The following PROM2 variants were observed in gnomAD, a reference collection of about 807,000 sequenced individuals.
PROM2 encodes prominin 2, also known as prominin-2.
PROM2 carries 90 observed loss-of-function variants against 110.2 expected under a neutral mutation model. The observed-to-expected ratio is 0.82, with a 90% confidence interval of 0.69 to 0.97. The LOEUF (loss-of-function observed/expected upper bound fraction) is 0.97. PROM2 is among the 50% of genes least tolerant of loss of function. PROM2 has a pLI of 0.00. For missense variants in PROM2, 1,009 were observed against 1,074.8 expected (o/e 0.94, Z 0.86); for synonymous variants, 470 against 467.8 (o/e 1.00, Z -0.06).
rs201517106 is a variant in PROM2 at position 95,288,973 on chromosome 2, C to G, written c.2482C>G (p.Arg828Gly). 2 of 1,609,058 alleles carry G rather than the reference C, an allele frequency of 1.2e-6. No homozygotes were observed. Among genetic ancestry groups the G allele is most frequent in the Middle Eastern group, 1.7e-4 (1 of 6,044 alleles). Residue 828 changes from arginine to glycine, a missense_variant, in exon 23 of 24, where the codon CGG becomes GGG. By Grantham distance (125) the Arg-to-Gly change is moderately radical. Coordinates refer to ENST00000317620, the MANE Select transcript of PROM2 (RefSeq NM_001165978.3). The part of the protein sequence containing the change: ...SEETQLFHIP[R>G]VTSLKL ...GGAGACTCAGCTCTTCCACATCCCC[C>G]GGGTTACCTCCCTGAAGCTGTAGGG...
Position 95,274,793 on chromosome 2 carries a change from T to A in PROM2, c.208T>A (p.Phe70Ile), listed in dbSNP as rs763937191. 1.9e-6 allele frequency: 3 copies of A among 1,602,918 alleles called. No homozygotes were observed. The highest frequency in any genetic ancestry group is 2.6e-6 in the Non-Finnish European group (3 of 1,175,594). The change falls in exon 1 of 24, where the codon TTC becomes ATC. Residue 70 changes from phenylalanine (F) to isoleucine (I), a missense_variant. Physicochemically the swap from Phe to Ile is conservative, Grantham distance 21. Coordinates refer to ENST00000317620, the MANE Select transcript of PROM2 (RefSeq NM_001165978.3). The part of the protein sequence containing the change: ...LDSLYGTVRR[F>I]LSVVQLNPFP... ...CTCCCTCTATGGCACCGTGCGCCGC[T>A]TCCTCTCGGTGGTGCAGCTCAATCC...
chr2:95,284,526 G>T (rs2104129831), intron 14 of PROM2, among the ~76,000 whole-genome samples: 1 of 152,224 alleles, frequency 6.6e-6, no homozygotes, highest in Admixed American at 6.5e-5. Context: ...AATACCTGAG[G>T]CTGCATAATT....
intron 7 of PROM2, 90 bp downstream of exon 7, chr2:95,277,656 C>A: frequency 7.8e-7 from 1 of 1,290,194 alleles, no homozygotes; most frequent in Non-Finnish European, 1.0e-6. Flanking sequence ...TCCCCTTGCC[C>A]CAATGTTCCT....
intron 8 of PROM2, 106 bp downstream of exon 8, chr2:95,278,110 AC>A: frequency 1.1e-6 from 1 of 900,972 alleles, no homozygotes; most frequent in Non-Finnish European, 1.8e-6. Context: ...TTGGGGTCCC[AC>A]CCACCACACA....
chr2:95,274,616 C>T lies in PROM2; in HGVS notation c.31C>T (p.Leu11=). 6.2e-7 allele frequency: 1 copy of T among 1,601,040 alleles called. No homozygotes were observed. Among genetic ancestry groups the T allele is most frequent in the Non-Finnish European group, 8.5e-7 (1 of 1,171,582 alleles). Residue 11 remains leucine, a synonymous_variant, in exon 1 of 24, where the codon CTG becomes TTG. Coordinates refer to ENST00000317620, the MANE Select transcript of PROM2 (RefSeq NM_001165978.3). MKHTLALLAP[L]LGLGLGLALS... is the part of the protein sequence containing the mutation. Reference sequence around the variant, plus strand: ...GCACACACTGGCTCTGCTGGCTCCCCTGCTGGGCCTGGGCCTGGGGCTGGC... The same window carrying T: ...GCACACACTGGCTCTGCTGGCTCCCTTGCTGGGCCTGGGCCTGGGGCTGGC...
At chr2:95,281,415 G>A (rs1221592767) in intron 12 of PROM2, 50 bp downstream of exon 12, 13 of 1,570,544 alleles carry the variant, frequency 8.3e-6, no homozygotes, top group Admixed American at 1.7e-5. Context: ...GGTGGGGGGC[G>A]GTATCAGCAG....
rs762532433 is a variant in PROM2 at position 95,276,154 on chromosome 2, G to A, written c.497+22G>A. The A allele has an allele frequency of 1.2e-5, 19 of 1,611,926 alleles. No homozygotes were observed. The highest frequency in any genetic ancestry group is 2.7e-5 in the African/African-American group (2 of 74,902). On this transcript the variant is annotated intron_variant, in intron 3 of 23. Coordinates refer to ENST00000317620, the MANE Select transcript of PROM2 (RefSeq NM_001165978.3). This position sits in a 1 kb window ranked among gnomAD's most constrained non-coding sequence, Gnocchi z 4.6. Reference sequence around the variant, plus strand: ...TGCTGTAAGGCGCTGCCCAGGGCCCGGGTAGGGCGGGCTGTGGCCCCCAGG... The same window carrying A: ...TGCTGTAAGGCGCTGCCCAGGGCCCAGGTAGGGCGGGCTGTGGCCCCCAGG...
At chr2:95,280,076 G>A (rs1252740994) in intron 11 of PROM2, 79 bp downstream of exon 11, 53 of 1,305,406 alleles carry the variant, frequency 4.1e-5, no homozygotes, top group Middle Eastern at 2.7e-4. Context: ...CATAGCTCCC[G>A]GTGTGGCTGC....
rs759713162 is a variant in PROM2 at position 95,287,219 on chromosome 2, T to G, written c.2175+6T>G. ...CAGCCAGGATCCTGAGGAATGTGAG[T>G]GGTGGGTGGGACAGGGAAGGGGCTT... On this transcript the variant is annotated splice_donor_region_variant and intron_variant, in intron 19 of 23. Coordinates refer to ENST00000317620, the MANE Select transcript of PROM2 (RefSeq NM_001165978.3). 2 of 1,611,628 alleles carry G rather than the reference T, an allele frequency of 1.2e-6. No homozygotes were observed. Among genetic ancestry groups the G allele is most frequent in the Non-Finnish European group, 1.7e-6 (2 of 1,179,012 alleles).
At position 95,288,298 on chromosome 2, in the gene PROM2, T is replaced by G; in HGVS notation, c.2332T>G (p.Trp778Gly). 6.2e-7 allele frequency: 1 copy of G among 1,614,072 alleles called. No homozygotes were observed. The highest frequency in any genetic ancestry group is 8.5e-7 in the Non-Finnish European group (1 of 1,179,996). ...VILCDMMADP[W>G]NAFWFCLAWC... Reference sequence around the variant, plus strand: ...CCTGTGTGACATGATGGCTGACCCCTGGGTGAGTGCCCCAGCTCATCGGGG... The same window carrying G: ...CCTGTGTGACATGATGGCTGACCCCGGGGTGAGTGCCCCAGCTCATCGGGG... The change falls in exon 21 of 24, where the codon TGG becomes GGG. Residue 778 changes from tryptophan to glycine, a missense_variant and splice_region_variant. Trp to Gly is a radical substitution (Grantham distance 184). Coordinates refer to ENST00000317620, the MANE Select transcript of PROM2 (RefSeq NM_001165978.3).
chr2:95,283,463 C>G (rs1432442864), intron 14 of PROM2, among the ~76,000 whole-genome samples: 1 of 152,248 alleles, frequency 6.6e-6, no homozygotes, highest in Admixed American at 6.5e-5. Context: ...CTTTCCAGAG[C>G]ACGGGGAGGG....
chr2:95,287,247 AC>A (rs1677417517), intron 19 of PROM2, 34 bp downstream of exon 19: 4 of 1,598,800 alleles, frequency 2.5e-6, no homozygotes, highest in Non-Finnish European at 3.4e-6. Context: ...AGGGGCTTCC[AC>A]CCCAGGCTTC....
At position 95,275,503 on chromosome 2, in the gene PROM2, T is replaced by C. The variant is rs768312951; in HGVS notation, c.287T>C (p.Val96Ala). 5.6e-6 allele frequency: 9 copies of C among 1,613,540 alleles called. No individual in the cohort carries two copies. Among genetic ancestry groups the C allele is most frequent in the Non-Finnish European group, 7.6e-6 (9 of 1,179,786 alleles). ...CTGAATGAGCTGGCCTCCGTGAAGGTGAATGAGGTGAGCAAGCTGGGGAAA... is the reference window on the plus strand; with the variant it reads ...CTGAATGAGCTGGCCTCCGTGAAGGCGAATGAGGTGAGCAAGCTGGGGAAA... The part of the protein sequence containing the change: ...ALLNELASVK[V>A]NEVVRYEAGY... Residue 96 changes from valine (V) to alanine (A), a missense_variant, in exon 2 of 24, where the codon GTG (valine) becomes GCG (alanine). Coordinates refer to ENST00000317620, the MANE Select transcript of PROM2 (RefSeq NM_001165978.3). The surrounding 1 kb of genome is among the most constrained non-coding windows in gnomAD (Gnocchi z 4.4).
Position 95,286,358 on chromosome 2 carries a change from G to C in PROM2, c.1948-121G>C, listed in dbSNP as rs1313406048. 2.5e-5 allele frequency: 19 copies of C among 754,314 alleles called. No individual in the cohort carries two copies. In the South Asian group the frequency reaches 3.2e-4, roughly 13 times the overall value. 46.7% of individuals were successfully genotyped at this position (754,314 alleles called of 1,614,324 possible). The stretch of plus-strand genomic sequence containing the variant: ...AGATCAGGCCCTGGAGCTTAAGGAG[G>C]CCTCAGTTTTCTGCCTCTGAGCCCA... On this transcript the variant is annotated intron_variant, in intron 16 of 23. Coordinates refer to ENST00000317620, the MANE Select transcript of PROM2 (RefSeq NM_001165978.3).
At chr2:95,286,751 C>T in intron 17 of PROM2, 53 bp from the exon 18 acceptor site, 1 of 1,499,726 alleles carries the variant, frequency 6.7e-7, no homozygotes, top group Non-Finnish European at 9.2e-7. Context: ...CTCCCCTCTC[C>T]TCCCTCCCCT....
chr2:95,289,188 C>A, intron 23 of PROM2, 36 bp from the exon 24 acceptor site: 1 of 606,648 alleles, frequency 1.6e-6, no homozygotes, highest in Non-Finnish European at 2.9e-6. Context: ...TCTCCCCTCC[C>A]TCCCCTTCAC....
intron 11 of PROM2, among the ~76,000 whole-genome samples, chr2:95,280,699 C>T (rs1271145509): frequency 4.6e-5 from 7 of 152,148 alleles, no homozygotes; most frequent in Non-Finnish European, 5.9e-5. Flanking sequence ...GGATGGAGTG[C>T]AGTGACACCA....
Position 95,288,516 on chromosome 2 carries a change from T to C in PROM2, c.2368T>C (p.Phe790Leu), listed in dbSNP as rs201374872. The change falls in exon 22 of 24, where the codon TTC (phenylalanine) becomes CTC (leucine). Residue 790 changes from phenylalanine (F) to leucine (L), a missense_variant. Coordinates refer to ENST00000317620, the MANE Select transcript of PROM2 (RefSeq NM_001165978.3). ...CTGGTTCTGCCTGGCATGGTGCACC[T>C]TCTTCCTGATCCCCAGCATCATCTT... ...AFWFCLAWCT[F>L]FLIPSIIFAV... 185 of 1,614,228 alleles carry C rather than the reference T, an allele frequency of 1.1e-4. 4 individuals are homozygous for C. In the East Asian group the frequency reaches 3.7e-3, roughly 32 times the overall value.
At position 95,275,953 on chromosome 2, in the gene PROM2, C is replaced by T. The variant is rs185963647; in HGVS notation, c.318C>T (p.Tyr106=). Residue 106 remains tyrosine, a synonymous_variant, in exon 3 of 24, where the codon TAC becomes TAT. Transcript: ENST00000317620. The surrounding 1 kb of genome is among the most constrained non-coding windows in gnomAD (Gnocchi z 4.4). The part of the protein sequence containing the change: ...VNEVVRYEAG[Y]VVCAVIAGLY... ...AGGTGGTGCGGTACGAGGCGGGCTA[C>T]GTGGTATGCGCTGTGATCGCGGGCC... The T allele has an allele frequency of 4.5e-4, 722 of 1,612,054 alleles. 4 individuals are homozygous for T. The East Asian group carries it at 0.014, about 31-fold the overall frequency.
Sources: gnomAD v4.1 joint callset for allele counts (sites outside exome capture counted in the v4.1 genomes callset) on GRCh38, gnomAD v4.1.1 for gene constraint, Gnocchi (gnomAD v3.1) non-coding constraint, MANE v1.5 for transcripts, NCBI Gene and HGNC (gene_info 2026-07-23, HGNC 2026-07-21) for gene names.